The following CRAMP1 variants were observed in gnomAD, a reference collection of about 807,000 sequenced individuals.
CRAMP1 encodes protein cramped-like.
CRAMP1 carries 50 observed loss-of-function variants against 115.4 expected under a neutral mutation model. The observed-to-expected ratio is 0.43, with a 90% CI of 0.35 to 0.55. The LOEUF is 0.55. Among genes scored for constraint, CRAMP1 ranks in the 20% least tolerant of loss-of-function variants. CRAMP1 has a pLI of 0.01. For synonymous variants in CRAMP1, 866 were observed against 745.4 expected (o/e 1.16, Z -2.64); for missense variants, 1,679 against 1,721.7 (o/e 0.98, Z 0.44).
rs936221656 is a variant in CRAMP1, at chr16:1,666,909, C to T, written c.3036+309C>T. Among the ~76,000 whole-genome samples the T allele has an allele frequency of 6.6e-6, 1 of 152,246 alleles. No homozygotes were observed. The highest frequency in any genetic ancestry group is 2.4e-5 in the African/African-American group (1 of 41,470). ...CAGCCCACAGCGCTGTGCTCGGACA[C>T]CACTGAGCATCTCTTTCATCTGGGA... On this transcript the variant is annotated intron_variant, in intron 16 of 20. Coordinates refer to ENST00000397412, the MANE Select transcript of CRAMP1 (RefSeq NM_020825.4). This position sits in a 1 kb window ranked among gnomAD's most constrained non-coding sequence, Gnocchi z 5.0.
intron 6 of CRAMP1, among the ~76,000 whole-genome samples, chr16:1,644,677 C>G (rs1365568895): frequency 6.6e-6 from 1 of 152,012 alleles, no homozygotes; most frequent in East Asian, 1.9e-4. Flanking sequence ...ATGGAAGCCT[C>G]AGGAGGGGAG....
chr16:1,619,266 C>T (rs972549529), intron 2 of CRAMP1, among the ~76,000 whole-genome samples: 3 of 152,166 alleles, frequency 2.0e-5, no homozygotes, highest in Non-Finnish European at 2.9e-5. Context: ...CTGCAATCTC[C>T]GCCTCACAGG....
chr16:1,665,353 C>T (rs948409171), intron 14 of CRAMP1, among the ~76,000 whole-genome samples: 8 of 152,212 alleles, frequency 5.3e-5, no homozygotes, highest in Non-Finnish European at 5.9e-5. Context: ...CCAAAGGGTG[C>T]CCTTCGTCTG....
At chr16:1,619,947 C>T (rs1481979329) in intron 2 of CRAMP1, among the ~76,000 whole-genome samples, 1 of 152,168 alleles carries the variant, frequency 6.6e-6, no homozygotes, top group Non-Finnish European at 1.5e-5. Flanking sequence ...AATGCGAGGT[C>T]AGGAGGGGTC....
chr16:1,646,937 C>A, intron 6 of CRAMP1: 1 of 652,472 alleles, frequency 1.5e-6, no homozygotes, highest in South Asian at 1.7e-5. Context: ...GCATCCTTGT[C>A]AAACATCAGT....
chr16:1,652,858 A>AC (rs1237423431), intron 7 of CRAMP1, among the ~76,000 whole-genome samples, 175 bp from the exon 8 acceptor site: 1 of 151,882 alleles, frequency 6.6e-6, no homozygotes, highest in Admixed American at 6.6e-5. Context: ...GCCTTTGCAA[A>AC]CCCCTGAGCA....
intron 14 of CRAMP1, chr16:1,665,721 C>T (rs1289177034): frequency 7.5e-6 from 2 of 265,104 alleles, no homozygotes; most frequent in Non-Finnish European, 1.4e-5. Context: ...AACCAAATTG[C>T]AGTGGCAGCA....
intron 3 of CRAMP1, among the ~76,000 whole-genome samples, chr16:1,627,300 C>G (rs996421642): frequency 5.9e-5 from 9 of 152,192 alleles, no homozygotes; most frequent in African/African-American, 2.2e-4. Flanking sequence ...CACACGCCGC[C>G]ACACCCAGCT....
chr16:1,640,722 C>T (rs576662154), intron 5 of CRAMP1, among the ~76,000 whole-genome samples: 5 of 152,284 alleles, frequency 3.3e-5, no homozygotes, highest in South Asian at 2.1e-4. Flanking sequence ...AGGTCAACAC[C>T]GGACACTGTC....
At chr16:1,654,525 C>T (rs1659745363) in intron 8 of CRAMP1, among the ~76,000 whole-genome samples, 1 of 152,202 alleles carries the variant, frequency 6.6e-6, no homozygotes, top group Admixed American at 6.5e-5. Flanking sequence ...TTAGCCATTT[C>T]TAAGTTTGCA....
intron 9 of CRAMP1, among the ~76,000 whole-genome samples, chr16:1,655,558 G>A (rs924499761): frequency 9.2e-5 from 14 of 152,290 alleles, no homozygotes; most frequent in African/African-American, 3.1e-4. Context: ...GGCCCACGGG[G>A]TGTGGCCAAA....
chr16:1,629,115 A>G (rs929764070), intron 3 of CRAMP1, among the ~76,000 whole-genome samples: 13 of 152,132 alleles, frequency 8.5e-5, no homozygotes, highest in African/African-American at 2.9e-4. Flanking sequence ...TCCGTCCATC[A>G]TCCATGCTTG....
intron 3 of CRAMP1, among the ~76,000 whole-genome samples, chr16:1,628,943 CGCCCGTCCAGTTATG>C (rs1487825917): frequency 1.3e-5 from 2 of 152,196 alleles, no homozygotes; most frequent in African/African-American, 4.8e-5. Flanking sequence ...CTCAGATTCG[CGCCCGTCCAGTTATG>C]GCCCGTCCAG....
chr16:1,659,726 CTG>C (rs1279350824), intron 10 of CRAMP1, among the ~76,000 whole-genome samples, 158 bp from the exon 11 acceptor site: 1 of 152,242 alleles, frequency 6.6e-6, no homozygotes, highest in Non-Finnish European at 1.5e-5. Context: ...CCAAGCGACT[CTG>C]GGGACACTGA....
At chr16:1,619,675 G>A (rs990237731) in intron 2 of CRAMP1, among the ~76,000 whole-genome samples, 2 of 152,202 alleles carry the variant, frequency 1.3e-5, no homozygotes, top group Non-Finnish European at 2.9e-5. Flanking sequence ...TCAAATATTT[G>A]TAGGAGGGGA....
In CRAMP1 at chr16:1,666,302, TA is replaced by T; in HGVS notation, c.2858-118del. The T allele has an allele frequency of 8.3e-7, 1 of 1,198,570 alleles. No homozygotes were observed. The highest frequency in any genetic ancestry group is 1.2e-6 in the Non-Finnish European group (1 of 834,544). The allele number at this position is 1,198,570 out of a possible 1,614,324, so 74.2% of individuals were successfully genotyped here. A position where few individuals can be genotyped will look rare whatever the true frequency, so the allele number is the denominator to read the frequency against. On this transcript the variant is annotated intron_variant, in intron 15 of 20. Coordinates refer to ENST00000397412, the MANE Select transcript of CRAMP1 (RefSeq NM_020825.4). The surrounding 1 kb of genome is among the most constrained non-coding windows in gnomAD (Gnocchi z 5.0). ...CTCATTACCCTTCACCAAGAACATC[TA>T]AGCCCTTGGCTCTTGCATTGACATG...
rs1439843736 is a variant in CRAMP1, at chr16:1,669,431, C to T, written c.3499+266C>T. ...AGCCAATGGAGACCTAGAACATTCC[C>T]GTGACCCCAGATGCTGGGTTCTGTG... On this transcript the variant is annotated intron_variant, in intron 19 of 20. Coordinates refer to ENST00000397412, the MANE Select transcript of CRAMP1 (RefSeq NM_020825.4). The surrounding 1 kb of genome is among the most constrained non-coding windows in gnomAD (Gnocchi z 4.6). 1.3e-5 allele frequency among the ~76,000 whole-genome samples: 2 copies of T among 152,168 alleles called. No homozygotes were observed. The highest frequency in any genetic ancestry group is 1.9e-4 in the East Asian group (1 of 5,194).
chr16:1,653,831 A>AG (rs2036745767), intron 8 of CRAMP1, among the ~76,000 whole-genome samples: 1 of 147,114 alleles, frequency 6.8e-6, no homozygotes, highest in East Asian at 2.1e-4. Flanking sequence ...AAAAAAAAAA[A>AG]AAAAAACAAA....
intron 13 of CRAMP1, among the ~76,000 whole-genome samples, 163 bp from the exon 14 acceptor site, chr16:1,664,894 C>T (rs2036860658): frequency 6.6e-6 from 1 of 152,114 alleles, no homozygotes; most frequent in East Asian, 1.9e-4. Context: ...TACATGGGTC[C>T]TAACTGTCTG....
Sources: gnomAD v4.1 joint callset for allele counts (sites outside exome capture counted in the v4.1 genomes callset) on GRCh38, gnomAD v4.1.1 for gene constraint, Gnocchi (gnomAD v3.1) non-coding constraint, MANE v1.5 for transcripts, NCBI Gene and HGNC (gene_info 2026-07-23, HGNC 2026-07-21) for gene names.